MYO1D: variants seen among roughly 807,000 people sequenced by gnomAD.
The protein encoded by MYO1D is myosin ID, also known as unconventional myosin-Id.
MYO1D carries 83 observed loss-of-function variants against 122.0 expected under a neutral mutation model. The ratio of observed to expected loss-of-function variants is 0.68; its 90% confidence interval spans 0.57 to 0.82. The LOEUF (loss-of-function observed/expected upper bound fraction) is 0.82. MYO1D is among the 40% of genes least tolerant of loss of function. MYO1D has a pLI of 0.00. For synonymous variants in MYO1D, 464 were observed against 446.9 expected (o/e 1.04, Z -0.48); for missense variants, 1,157 against 1,269.5 (o/e 0.91, Z 1.35).
chr17:32,812,109 C>G (rs973907905), intron 1 of MYO1D, among the ~76,000 whole-genome samples: 8 of 152,144 alleles, frequency 5.3e-5, no homozygotes, highest in Non-Finnish European at 1.2e-4. Context: ...AAGAGATAAG[C>G]TTGCCTTAAT....
intron 1 of MYO1D, chr17:32,794,242 G>C (rs1046360886): frequency 5.9e-5 from 9 of 152,136 alleles, no homozygotes; most frequent in African/African-American, 1.9e-4. Flanking sequence ...TTAAATGACT[G>C]ACGTTGTGAC....
At chr17:32,702,845 C>T (rs1349018049) in intron 16 of MYO1D, among the ~76,000 whole-genome samples, 1 of 152,154 alleles carries the variant, frequency 6.6e-6, no homozygotes, top group African/African-American at 2.4e-5. Context: ...ATGGATGCTA[C>T]AAGCTGCGAG....
intron 1 of MYO1D, among the ~76,000 whole-genome samples, chr17:32,845,856 C>A (rs541875315): frequency 6.6e-6 from 1 of 152,238 alleles, no homozygotes; most frequent in East Asian, 1.9e-4. Flanking sequence ...TTTCTACACC[C>A]TTGCTTTGCC....
intron 21 of MYO1D, among the ~76,000 whole-genome samples, chr17:32,592,652 A>T (rs1175466631): frequency 6.6e-6 from 1 of 151,802 alleles, no homozygotes; most frequent in Admixed American, 6.6e-5. Context: ...AAAAATACCA[A>T]CCAGGAGGGG....
chr17:32,773,452 G>A (rs538696697), intron 4 of MYO1D, among the ~76,000 whole-genome samples: 13 of 152,238 alleles, frequency 8.5e-5, no homozygotes, highest in African/African-American at 2.9e-4. Flanking sequence ...TCACTGTGGG[G>A]ACACTTGCCT....
chr17:32,597,545 T>G (rs2087509044), intron 21 of MYO1D, among the ~76,000 whole-genome samples: 1 of 152,166 alleles, frequency 6.6e-6, no homozygotes, highest in Non-Finnish European at 1.5e-5. Flanking sequence ...TAGAGATATA[T>G]CTACCTATAA....
intron 3 of MYO1D, among the ~76,000 whole-genome samples, chr17:32,777,262 T>C (rs2090182259): frequency 6.6e-6 from 1 of 152,190 alleles, no homozygotes; most frequent in African/African-American, 2.4e-5. Flanking sequence ...GGCCCAGCAA[T>C]GCAGCCCAAT....
In MYO1D at chr17:32,617,088, C is replaced by T. The variant is rs182650792; in HGVS notation, c.2710-11847G>A. The stretch of plus-strand genomic sequence containing the variant: ...TCCAGCTATTCTGGAGGCTGAGGCA[C>T]GAGAATTGTTGAACCTGGGAGGCGG... On this transcript the variant is annotated intron_variant, in intron 20 of 21. Coordinates refer to ENST00000318217, the MANE Select transcript of MYO1D (RefSeq NM_015194.3). Among the ~76,000 whole-genome samples the T allele has an allele frequency of 2.7e-3, 415 of 152,076 alleles. 1 individual carries two copies. The highest frequency in any genetic ancestry group is 0.024 in the South Asian group (115 of 4,806).
At chr17:32,669,645 T>C (rs1181501568) in intron 16 of MYO1D, among the ~76,000 whole-genome samples, 2 of 152,232 alleles carry the variant, frequency 1.3e-5, no homozygotes, top group Non-Finnish European at 2.9e-5. Context: ...GAGGAAGTGT[T>C]TTCCTGCTCT....
intron 21 of MYO1D, among the ~76,000 whole-genome samples, chr17:32,558,736 T>G (rs1567889633): frequency 6.6e-6 from 1 of 152,220 alleles, no homozygotes; most frequent in Non-Finnish European, 1.5e-5. Context: ...AATATTTTAC[T>G]TCCTCTGCTT....
chr17:32,663,951 A>C (rs1287682681), intron 16 of MYO1D, among the ~76,000 whole-genome samples: 3 of 152,164 alleles, frequency 2.0e-5, no homozygotes, highest in East Asian at 3.9e-4. Context: ...GATGGTATGG[A>C]GTTGGAATCT....
At chr17:32,542,221 C>T (rs762937575) in intron 21 of MYO1D, among the ~76,000 whole-genome samples, 60 of 152,092 alleles carry the variant, frequency 3.9e-4, no homozygotes, top group Non-Finnish European at 6.6e-4. Context: ...ACCACCGGGC[C>T]GACAGAGGAT....
chr17:32,503,903 G>C (rs1486005929), intron 21 of MYO1D, among the ~76,000 whole-genome samples: 2 of 152,162 alleles, frequency 1.3e-5, no homozygotes, highest in African/African-American at 4.8e-5. Flanking sequence ...TCTTGCTTTA[G>C]GAAATGCCAC....
At chr17:32,625,582 C>A (rs1462365720) in intron 20 of MYO1D, among the ~76,000 whole-genome samples, 1 of 151,778 alleles carries the variant, frequency 6.6e-6, no homozygotes, top group African/African-American at 2.4e-5. Context: ...TAGGGTCTCG[C>A]TCTATTGCCC....
At chr17:32,590,986 T>C (rs2087433547) in intron 21 of MYO1D, among the ~76,000 whole-genome samples, 2 of 152,210 alleles carry the variant, frequency 1.3e-5, no homozygotes, top group African/African-American at 2.4e-5. Flanking sequence ...TCTTTCAACA[T>C]AAAAGACAAT....
intron 1 of MYO1D, among the ~76,000 whole-genome samples, chr17:32,825,360 C>T (rs1164888754): frequency 6.6e-6 from 1 of 152,080 alleles, no homozygotes; most frequent in African/African-American, 2.4e-5. Context: ...GGTGTGATCA[C>T]AGCTCACTGC....
intron 6 of MYO1D, among the ~76,000 whole-genome samples, chr17:32,770,644 T>C (rs942173827): frequency 2.0e-5 from 3 of 152,110 alleles, no homozygotes; most frequent in Admixed American, 6.5e-5. Context: ...ATGGAAAAAC[T>C]TGAAAGCTGA....
chr17:32,828,460 G>A (rs1042034558), intron 1 of MYO1D, among the ~76,000 whole-genome samples: 1 of 147,354 alleles, frequency 6.8e-6, no homozygotes, highest in Non-Finnish European at 1.5e-5. Context: ...AGCTTGCAGT[G>A]AGCAGAGATC....
chr17:32,737,841 C>T (rs1490575151), intron 14 of MYO1D, among the ~76,000 whole-genome samples: 1 of 152,244 alleles, frequency 6.6e-6, no homozygotes, highest in Non-Finnish European at 1.5e-5. Context: ...TCTTAAAACT[C>T]TCTGGCCACT....
Sources: gnomAD v4.1 joint callset for allele counts (sites outside exome capture counted in the v4.1 genomes callset) on GRCh38, gnomAD v4.1.1 for gene constraint, MANE v1.5 for transcripts, NCBI Gene and HGNC (gene_info 2026-07-23, HGNC 2026-07-21) for gene names.